TNRC18: variants seen among roughly 807,000 people sequenced by gnomAD.
TNRC18 encodes the protein trinucleotide repeat containing 18, also known as trinucleotide repeat-containing gene 18 protein.
Under a neutral mutation model 226.7 loss-of-function variants are expected in TNRC18, and 69 were observed. The observed-to-expected ratio is 0.30, with a 90% CI of 0.25 to 0.37. TNRC18 has a LOEUF of 0.37. Ranked by LOEUF, TNRC18 falls within the 10% of genes least tolerant of loss-of-function variation. The pLI is 1.00. For missense variants in TNRC18, 4,754 were observed against 4,256.6 expected (o/e 1.12, Z -3.25); for synonymous variants, 2,449 against 1,927.6 (o/e 1.27, Z -7.09).
intron 16 of TNRC18, 77 bp downstream of exon 16, chr7:5,356,839 A>G (rs1305396016): frequency 3.4e-5 from 45 of 1,304,616 alleles, no homozygotes; most frequent in African/African-American, 2.2e-4. Context: ...GCGGGGGGGG[A>G]AGGAGGACGG....
chr7:5,375,048 G>A (rs935249375), intron 9 of TNRC18, among the ~76,000 whole-genome samples: 2 of 152,184 alleles, frequency 1.3e-5, no homozygotes, highest in South Asian at 2.1e-4. Context: ...CAGTGCTCCC[G>A]CCTGGAATCC....
Position 5,309,257 on chromosome 7 carries a change from T to G in TNRC18, c.8500A>C (p.Asn2834His). 4.3e-6 allele frequency: 7 copies of G among 1,613,858 alleles called. No homozygotes were observed. The highest frequency in any genetic ancestry group is 5.9e-6 in the Non-Finnish European group (7 of 1,179,810). The change falls in exon 28 of 30, where the codon AAC becomes CAC. Residue 2834 changes from asparagine (N) to histidine (H), a missense_variant. Physicochemically the swap from Asn to His is moderately conservative, Grantham distance 68. Transcript: ENST00000430969. The surrounding 1 kb of genome is among the most constrained non-coding windows in gnomAD (Gnocchi z 5.7). ...TGGATGCGGCCGATGTAGGGCAGGT[T>G]GGGGCGGCCGGCAGAGAGGAACACG... ...CAVFLSAGRPNLPYIGRIQSM... is the reference protein window; with the variant it reads ...CAVFLSAGRPHLPYIGRIQSM...
chr7:5,404,913 C>T (rs988573453), intron 2 of TNRC18, among the ~76,000 whole-genome samples: 1 of 151,408 alleles, frequency 6.6e-6, no homozygotes, highest in African/African-American at 2.4e-5. Flanking sequence ...CAGGAGTTCA[C>T]GACCAGCCTG....
intron 11 of TNRC18, among the ~76,000 whole-genome samples, chr7:5,365,354 C>T (rs1396495825): frequency 6.6e-6 from 1 of 152,160 alleles, no homozygotes; most frequent in Non-Finnish European, 1.5e-5. Flanking sequence ...CTCAAGTGAT[C>T]CTCCCGCCTC....
At chr7:5,408,662 A>AT (rs1412117255) in intron 2 of TNRC18, among the ~76,000 whole-genome samples, 1 of 152,172 alleles carries the variant, frequency 6.6e-6, no homozygotes, top group African/African-American at 2.4e-5. Context: ...AAGAAAAAAA[A>AT]ACCATTTGGA....
chr7:5,348,269 C>G (rs1041630913), intron 17 of TNRC18, among the ~76,000 whole-genome samples: 1 of 152,214 alleles, frequency 6.6e-6, no homozygotes, highest in African/African-American at 2.4e-5. Flanking sequence ...CACCCATGAG[C>G]AGGTGACAGG....
In TNRC18 at chr7:5,312,287, C is replaced by A. The variant is rs1787305558; in HGVS notation, c.8388+216G>T. Among the ~76,000 whole-genome samples the A allele has an allele frequency of 6.6e-6, 1 of 152,230 alleles. No homozygotes were observed. Among genetic ancestry groups the A allele is most frequent in the South Asian group, 2.1e-4 (1 of 4,830 alleles). ...CCCGGGACCAGAGGGCAGGACCACT[C>A]TGCTCTGAAGGACTCGGGCATCGGA... On this transcript the variant is annotated intron_variant, in intron 27 of 29. Coordinates refer to ENST00000430969, the MANE Select transcript of TNRC18 (RefSeq NM_001080495.3). The surrounding 1 kb of genome is among the most constrained non-coding windows in gnomAD (Gnocchi z 6.3).
chr7:5,412,158 C>G (rs763032188), intron 2 of TNRC18, among the ~76,000 whole-genome samples: 169 of 149,414 alleles, frequency 1.1e-3, no homozygotes, highest in Middle Eastern at 0.01. Context: ...CACCACACTC[C>G]AGCCTGCGTA....
chr7:5,339,929 A>T (rs1417907936), intron 18 of TNRC18, among the ~76,000 whole-genome samples: 1 of 151,980 alleles, frequency 6.6e-6, no homozygotes, highest in African/African-American at 2.4e-5. Context: ...CTGCTCCGCC[A>T]ACCGGCCTTC....
intron 5 of TNRC18, among the ~76,000 whole-genome samples, chr7:5,381,336 C>T (rs899583914): frequency 3.3e-5 from 5 of 152,156 alleles, no homozygotes; most frequent in Middle Eastern, 3.2e-3. Context: ...ACCTGGCCGG[C>T]CTCTCGAGGA....
intron 2 of TNRC18, among the ~76,000 whole-genome samples, chr7:5,414,342 TC>T (rs201105156): frequency 0.02 from 3,053 of 151,458 alleles, 102 homozygotes; most frequent in African/African-American, 0.07. Flanking sequence ...AGATATTTTT[TC>T]TTTTCCTGAA....
chr7:5,416,427 A>C (rs1562643737), intron 2 of TNRC18, among the ~76,000 whole-genome samples: 1 of 152,168 alleles, frequency 6.6e-6, no homozygotes, highest in Admixed American at 6.5e-5. Context: ...AAAAAGAAAA[A>C]AAAATTTGCT....
chr7:5,398,797 T>A (rs1167518657), intron 2 of TNRC18, among the ~76,000 whole-genome samples: 1 of 150,756 alleles, frequency 6.6e-6, no homozygotes, highest in Non-Finnish European at 1.5e-5. Context: ...TTTTTCTTTC[T>A]CTTTTTTGTA....
intron 19 of TNRC18, among the ~76,000 whole-genome samples, chr7:5,332,397 C>T (rs962064699): frequency 2.6e-5 from 4 of 152,324 alleles, no homozygotes; most frequent in East Asian, 1.9e-4. Flanking sequence ...CAGGCCACTG[C>T]GCTCCAGCCT....
Position 5,421,464 on chromosome 7 carries a change from G to T in TNRC18, c.-218C>A. On this transcript the variant is annotated 5_prime_UTR_variant, in exon 2 of 30. Coordinates refer to ENST00000430969, the MANE Select transcript of TNRC18 (RefSeq NM_001080495.3). ...GGGCCCCTCCGGGCGGCCAGGCGGA[G>T]CTGCGCGAGGCGGCGCACACGGCGT... 6.2e-6 allele frequency: 1 copy of T among 160,874 alleles called. No individual in the cohort carries two copies. The highest frequency in any genetic ancestry group is 1.3e-5 in the Non-Finnish European group (1 of 76,862). The allele number at this position is 160,874 out of a possible 1,614,324, so 10.0% of individuals were successfully genotyped here. A position where few individuals can be genotyped will look rare whatever the true frequency, so the allele number is the denominator to read the frequency against.
chr7:5,357,235 C>T lies in TNRC18; in HGVS notation c.4875G>A (p.Gln1625=), dbSNP rs200950320. Residue 1625 remains glutamine (Q), a synonymous_variant, in exon 16 of 30, where the codon CAG becomes CAA. Transcript: ENST00000430969. ...GGGCCTTGTCGAGCTTGCTTGCCAA[C>T]TGCTCCTGGTCGCTGGCCATCTTCT... The part of the protein sequence containing the change: ...KKKKMASDQE[Q]LASKLDKALS... 6.2e-7 allele frequency: 1 copy of T among 1,612,712 alleles called. No individual in the cohort carries two copies.
intron 11 of TNRC18, 134 bp downstream of exon 11, chr7:5,370,241 T>G (rs1794017841): frequency 5.6e-6 from 6 of 1,079,200 alleles, no homozygotes; most frequent in Non-Finnish European, 7.8e-6. Flanking sequence ...GAAGATCACT[T>G]GAGCCCAGGA....
chr7:5,377,671 G>T lies in TNRC18; in HGVS notation c.2256-95C>A. The T allele has an allele frequency of 2.2e-6, 3 of 1,339,668 alleles. No individual in the cohort carries two copies. The highest frequency in any genetic ancestry group is 1.4e-5 in the South Asian group (1 of 72,156). The allele number at this position is 1,339,668 out of a possible 1,614,324, so 83.0% of individuals were successfully genotyped here. A position where few individuals can be genotyped will look rare whatever the true frequency, so the allele number is the denominator to read the frequency against. ...GCCCCAAGGAACTGTTTGCCACCAG[G>T]CCATGAGTCAGGACAACCACTGCTC... On this transcript the variant is annotated intron_variant, in intron 6 of 29. Transcript: ENST00000430969. This position sits in a 1 kb window ranked among gnomAD's most constrained non-coding sequence, Gnocchi z 5.8.
Position 5,357,196 on chromosome 7 carries a change from C to T in TNRC18, c.4914G>A (p.Lys1638=). Reference sequence around the variant, plus strand: ...TGAAGGGCGACTTCAACTTGTCCTGCTTGGTGAGGGAGAGGGCCTTGTCGA... The same window carrying T: ...TGAAGGGCGACTTCAACTTGTCCTGTTTGGTGAGGGAGAGGGCCTTGTCGA... The part of the protein sequence containing the change: ...SKLDKALSLT[K]QDKLKSPFKF... Residue 1638 remains lysine, a synonymous_variant, in exon 16 of 30, where the codon AAG becomes AAA. Transcript: ENST00000430969. 6.2e-7 allele frequency: 1 copy of T among 1,611,256 alleles called. No homozygotes were observed. The highest frequency in any genetic ancestry group is 8.5e-7 in the Non-Finnish European group (1 of 1,178,894).
Sources: gnomAD v4.1 joint callset for allele counts (sites outside exome capture counted in the v4.1 genomes callset) on GRCh38, gnomAD v4.1.1 for gene constraint, Gnocchi (gnomAD v3.1) non-coding constraint, MANE v1.5 for transcripts, NCBI Gene and HGNC (gene_info 2026-07-23, HGNC 2026-07-21) for gene names.